Variants in DCLK1 observed in about 807,000 individuals in gnomAD.
The protein encoded by DCLK1 is doublecortin like kinase 1.
In DCLK1, 16 loss-of-function variants were observed where a neutral mutation model predicts 86.2. The observed-to-expected ratio is 0.19, with a 90% CI of 0.13 to 0.28. The LOEUF (loss-of-function observed/expected upper bound fraction) is 0.28, where lower values mean the gene tolerates loss of function less well. DCLK1 is among the 10% of genes least tolerant of loss of function. The pLI, the probability that DCLK1 is intolerant of heterozygous loss-of-function variation, is 1.00. For synonymous variants in DCLK1, 369 were observed against 370.5 expected (o/e 1.00, Z 0.05); for missense variants, 590 against 940.2 (o/e 0.63, Z 4.87).
intron 3 of DCLK1, among the ~76,000 whole-genome samples, chr13:36,009,800 G>A (rs1477785834): frequency 1.7e-5 from 2 of 116,620 alleles, no homozygotes; most frequent in African/African-American, 6.9e-5. Context: ...CATTGAATCT[G>A]TAAATTATCT....
At chr13:35,852,920 GA>G (rs1870761701) in intron 6 of DCLK1, among the ~76,000 whole-genome samples, 1 of 152,158 alleles carries the variant, frequency 6.6e-6, no homozygotes, top group Non-Finnish European at 1.5e-5. Flanking sequence ...TTAGCTCAAA[GA>G]ATAAAGACAG....
At chr13:36,117,081 T>C (rs1180947826) in intron 2 of DCLK1, among the ~76,000 whole-genome samples, 1 of 151,974 alleles carries the variant, frequency 6.6e-6, no homozygotes, top group Non-Finnish European at 1.5e-5. Context: ...AGTAAGCTTA[T>C]AGAAAATGAA....
chr13:35,980,860 G>T (rs968804658), intron 3 of DCLK1, among the ~76,000 whole-genome samples: 1 of 151,920 alleles, frequency 6.6e-6, no homozygotes, highest in Non-Finnish European at 1.5e-5. Context: ...GTCTTGCCAT[G>T]TTACCCAGAC....
intron 5 of DCLK1, among the ~76,000 whole-genome samples, chr13:35,860,698 TCA>T (rs1444326822): frequency 6.6e-5 from 10 of 152,192 alleles, no homozygotes; most frequent in African/African-American, 2.4e-4. Context: ...TACCATGAAC[TCA>T]CAGTCACTGT....
chr13:35,882,202 C>A (rs1872956481), intron 4 of DCLK1, among the ~76,000 whole-genome samples: 1 of 152,144 alleles, frequency 6.6e-6, no homozygotes. Context: ...CTTGTGGCCA[C>A]ATTACTCAAA....
chr13:36,092,471 G>A (rs1248231376), intron 3 of DCLK1, among the ~76,000 whole-genome samples: 2 of 146,390 alleles, frequency 1.4e-5, no homozygotes, highest in Non-Finnish European at 3.0e-5. Context: ...TCTCTTATCC[G>A]AGAGGCGTTT....
chr13:36,108,920 C>T (rs1230529641), intron 3 of DCLK1, among the ~76,000 whole-genome samples: 3 of 152,164 alleles, frequency 2.0e-5, no homozygotes, highest in Non-Finnish European at 2.9e-5. Flanking sequence ...CCACTATGGC[C>T]AAGCGTTATT....
intron 16 of DCLK1, among the ~76,000 whole-genome samples, chr13:35,786,517 C>A (rs2086624705): frequency 6.6e-6 from 1 of 152,120 alleles, no homozygotes; most frequent in Non-Finnish European, 1.5e-5. Flanking sequence ...TGAAGTGACC[C>A]CTCCTGGAAG....
chr13:36,021,158 T>C (rs927384645), intron 3 of DCLK1, among the ~76,000 whole-genome samples: 1 of 151,856 alleles, frequency 6.6e-6, no homozygotes, highest in South Asian at 2.1e-4. Flanking sequence ...TCTTGGTATA[T>C]AACTGAAATT....
chr13:35,876,964 GC>G (rs930265301), intron 4 of DCLK1, among the ~76,000 whole-genome samples: 1 of 152,164 alleles, frequency 6.6e-6, no homozygotes, highest in African/African-American at 2.4e-5. Context: ...AAAGATTGCA[GC>G]CTACCCAAAG....
intron 3 of DCLK1, among the ~76,000 whole-genome samples, chr13:36,019,207 C>A (rs546742481): frequency 6.6e-6 from 1 of 152,164 alleles, no homozygotes; most frequent in East Asian, 1.9e-4. Context: ...CATATTTGTT[C>A]TTTTAGTTAT....
intron 4 of DCLK1, among the ~76,000 whole-genome samples, chr13:35,908,811 T>G (rs1874828857): frequency 6.6e-6 from 1 of 152,118 alleles, no homozygotes; most frequent in Non-Finnish European, 1.5e-5. Context: ...AATTTTTGTA[T>G]TTTTAGTAGA....
chr13:35,790,038 C>T (rs968594659), intron 16 of DCLK1, among the ~76,000 whole-genome samples: 2 of 152,154 alleles, frequency 1.3e-5, no homozygotes, highest in Admixed American at 6.5e-5. Flanking sequence ...TTTCCTCCTT[C>T]AGGAGGGTGT....
intron 16 of DCLK1, among the ~76,000 whole-genome samples, chr13:35,781,914 A>G (rs1190951469): frequency 6.6e-6 from 1 of 152,050 alleles, no homozygotes; most frequent in Non-Finnish European, 1.5e-5. Context: ...CACCCTCCTC[A>G]TTTTATTGGG....
intron 3 of DCLK1, among the ~76,000 whole-genome samples, chr13:35,981,423 C>T (rs1350433447): frequency 2.0e-5 from 3 of 152,086 alleles, no homozygotes; most frequent in African/African-American, 7.2e-5. Flanking sequence ...AGACAGCCTC[C>T]CCCACTATCA....
chr13:36,077,516 C>T (rs903608609), intron 3 of DCLK1, among the ~76,000 whole-genome samples: 2 of 152,100 alleles, frequency 1.3e-5, no homozygotes, highest in Non-Finnish European at 2.9e-5. Flanking sequence ...ATAGACAGTC[C>T]TTGTTCTCAG....
intron 3 of DCLK1, among the ~76,000 whole-genome samples, chr13:36,067,407 G>A: frequency 8.3e-6 from 1 of 120,266 alleles, no homozygotes; most frequent in African/African-American, 3.2e-5. Context: ...GGGGACTGTT[G>A]TGGGGTGGGG....
intron 5 of DCLK1, chr13:35,855,642 T>C: frequency 6.7e-7 from 1 of 1,486,274 alleles, no homozygotes; most frequent in Admixed American, 2.1e-5. Context: ...TGGCTAAGGC[T>C]GCTCCCAGAG....
chr13:35,989,712 T>C (rs1483858140), intron 3 of DCLK1, among the ~76,000 whole-genome samples: 1 of 57,752 alleles, frequency 1.7e-5, no homozygotes, highest in Non-Finnish European at 5.3e-5. Context: ...GCTAATTGGC[T>C]TTTTTTTTTT....
Sources: allele counts gnomAD v4.1 joint callset (sites outside exome capture counted in the v4.1 genomes callset), GRCh38; gene constraint gnomAD v4.1.1; transcripts MANE v1.5; gene names NCBI Gene and HGNC (gene_info 2026-07-23, HGNC 2026-07-21).